The following IRAG1 variants were observed in gnomAD, a reference collection of about 807,000 sequenced individuals.
IRAG1 encodes IP3R-associated cGMP kinase substrate.
Under a neutral mutation model 106.2 loss-of-function variants are expected in IRAG1, and 62 were observed. The ratio of observed to expected loss-of-function variants is 0.58; its 90% confidence interval spans 0.48 to 0.72. The LOEUF (loss-of-function observed/expected upper bound fraction) is 0.72. Among genes scored for constraint, IRAG1 ranks in the 30% least tolerant of loss-of-function variants. The pLI is 0.00. For missense variants in IRAG1, 1,064 were observed against 1,140.7 expected (o/e 0.93, Z 0.97); for synonymous variants, 462 against 443.9 (o/e 1.04, Z -0.51).
At chr11:10,691,116 C>T (rs1862022864) in intron 1 of IRAG1, among the ~76,000 whole-genome samples, 1 of 151,920 alleles carries the variant, frequency 6.6e-6, no homozygotes, top group Non-Finnish European at 1.5e-5. Context: ...CTTCAGGCCC[C>T]CACCTTGTGT....
intron 1 of IRAG1, among the ~76,000 whole-genome samples, chr11:10,692,322 C>T (rs1160605423): frequency 2.6e-5 from 4 of 152,154 alleles, no homozygotes; most frequent in South Asian, 2.1e-4. Context: ...CTGGCATTCA[C>T]GTCTGTGTTG....
chr11:10,580,304 G>T, intron 20 of IRAG1, 151 bp downstream of exon 20: 1 of 1,177,450 alleles, frequency 8.5e-7, no homozygotes, highest in Non-Finnish European at 1.2e-6. Context: ...TTCCCAACAT[G>T]TGTGCCCTCT....
At position 10,647,375 on chromosome 11, in the gene IRAG1, A is replaced by C. The variant is rs1297708937; in HGVS notation, c.225+4650T>G. On this transcript the variant is annotated intron_variant, in intron 2 of 20. Transcript: ENST00000423302. The surrounding 1 kb of genome is among the most constrained non-coding windows in gnomAD (Gnocchi z 4.3). ...CTACCGTAAGGCTAATTATATGTTA[A>C]ATGAGTTAATATGGTAGACGAGTAT... 6.6e-6 allele frequency among the ~76,000 whole-genome samples: 1 copy of C among 152,220 alleles called. No homozygotes were observed. Among genetic ancestry groups the C allele is most frequent in the African/African-American group, 2.4e-5 (1 of 41,440 alleles).
At chr11:10,666,091 T>C (rs953833144) in intron 1 of IRAG1, among the ~76,000 whole-genome samples, 1 of 152,132 alleles carries the variant, frequency 6.6e-6, no homozygotes, top group African/African-American at 2.4e-5. Context: ...CCTAATGATA[T>C]GAGATTGGAA....
At chr11:10,614,369 C>G (rs146895597) in intron 10 of IRAG1, among the ~76,000 whole-genome samples, 615 of 152,166 alleles carry the variant, frequency 4.0e-3, no homozygotes, top group Non-Finnish European at 6.6e-3. Context: ...AAAAAACTAC[C>G]TCATAATTTA....
chr11:10,672,982 G>A (rs1334689158), intron 1 of IRAG1, among the ~76,000 whole-genome samples: 1 of 152,136 alleles, frequency 6.6e-6, no homozygotes, highest in Non-Finnish European at 1.5e-5. Context: ...AATCTATTCG[G>A]TCATAAAAAG....
intron 16 of IRAG1, 183 bp from the exon 17 acceptor site, chr11:10,593,782 G>T: frequency 3.4e-6 from 2 of 591,466 alleles, no homozygotes; most frequent in Non-Finnish European, 6.0e-6. Context: ...CAAATTTTCT[G>T]TTGTTGGTGA....
At position 10,647,250 on chromosome 11, in the gene IRAG1, G is replaced by A. The variant is rs1225570287; in HGVS notation, c.225+4775C>T. ...TTTGGGGTCAGGCTGCCTGGGCCCAGATCCTGGGCCTGCCACTTATGAGCT... is the reference window on the plus strand; with the variant it reads ...TTTGGGGTCAGGCTGCCTGGGCCCAAATCCTGGGCCTGCCACTTATGAGCT... On this transcript the variant is annotated intron_variant, in intron 2 of 20. Coordinates refer to ENST00000423302, the MANE Select transcript of IRAG1 (RefSeq NM_130385.4). The surrounding 1 kb of genome is among the most constrained non-coding windows in gnomAD (Gnocchi z 4.3). 6.6e-6 allele frequency among the ~76,000 whole-genome samples: 1 copy of A among 152,208 alleles called. No homozygotes were observed.
intron 10 of IRAG1, among the ~76,000 whole-genome samples, chr11:10,618,827 C>G (rs972075899): frequency 1.3e-5 from 2 of 152,172 alleles, no homozygotes; most frequent in African/African-American, 4.8e-5. Context: ...TATTCAGGGC[C>G]TTGTAGGTTC....
At chr11:10,599,557 G>A (rs749862174) in intron 15 of IRAG1, 2 of 152,182 alleles carry the variant, frequency 1.3e-5, no homozygotes, top group African/African-American at 2.4e-5. Context: ...GCTGCCTTTG[G>A]ACTCTGGGAC....
intron 2 of IRAG1, among the ~76,000 whole-genome samples, chr11:10,646,196 C>A (rs965664722): frequency 6.6e-6 from 1 of 152,240 alleles, no homozygotes; most frequent in African/African-American, 2.4e-5. Context: ...AGCCCACTGA[C>A]TGAGGGTGTA....
intron 11 of IRAG1, among the ~76,000 whole-genome samples, chr11:10,607,730 C>G (rs1167790751): frequency 6.6e-6 from 1 of 152,114 alleles, no homozygotes; most frequent in Non-Finnish European, 1.5e-5. Context: ...ACCCCAAGAG[C>G]AAAGGTAGGG....
At position 10,626,031 on chromosome 11, in the gene IRAG1, C is replaced by T. The variant is rs763287831; in HGVS notation, c.1303G>A (p.Gly435Ser). 3 of 1,511,322 alleles carry T rather than the reference C, an allele frequency of 2.0e-6. No homozygotes were observed. The highest frequency in any genetic ancestry group is 2.3e-5 in the East Asian group (1 of 43,780). 93.6% of individuals were successfully genotyped at this position (1,511,322 alleles called of 1,614,324 possible). A position where few individuals can be genotyped will look rare whatever the true frequency, so the allele number is the denominator to read the frequency against. Reference sequence around the variant, plus strand: ...ACTTGTATCTGAAAGTCTTTGAGACCAGGGGCCTTGGCCAGCTTGCCGCCG... The same window carrying T: ...ACTTGTATCTGAAAGTCTTTGAGACTAGGGGCCTTGGCCAGCTTGCCGCCG... ...KAGGKLAKAP[G>S]LKDFQIQVQP... is the part of the protein sequence containing the mutation. The change falls in exon 9 of 21, where the codon GGT becomes AGT. Residue 435 changes from glycine (G) to serine (S), a missense_variant. By Grantham distance (56) the Gly-to-Ser change is moderately conservative. Transcript: ENST00000423302.
In IRAG1 at chr11:10,581,950, A is replaced by C. The variant is rs965157343; in HGVS notation, c.2277T>G (p.Ser759=). The change falls in exon 19 of 21, where the codon TCT becomes TCG. Residue 759 remains serine, a synonymous_variant. Coordinates refer to ENST00000423302, the MANE Select transcript of IRAG1 (RefSeq NM_130385.4). ...GGCAGCTCAGGGTCAGCGCAGGAGC[A>C]GAGGCTTCACAATCTGGGTCCCCAT... ...KTNGDPDCEA[S]APALTLSCLE... 1 of 1,613,820 alleles carries C rather than the reference A, an allele frequency of 6.2e-7. No individual in the cohort carries two copies. Among genetic ancestry groups the C allele is most frequent in the Admixed American group, 1.7e-5 (1 of 60,012 alleles).
chr11:10,656,702 G>C (rs1303703400), intron 1 of IRAG1, among the ~76,000 whole-genome samples: 1 of 152,160 alleles, frequency 6.6e-6, no homozygotes, highest in Non-Finnish European at 1.5e-5. Flanking sequence ...TAAGGATCTA[G>C]GGCTCAGAGA....
At chr11:10,616,973 A>C (rs1407662176) in intron 10 of IRAG1, 3 of 961,140 alleles carry the variant, frequency 3.1e-6, no homozygotes, top group Non-Finnish European at 3.7e-6. Flanking sequence ...GAGCTCTGAA[A>C]GATGCTCTGA....
chr11:10,663,524 C>G (rs902725426), intron 1 of IRAG1, among the ~76,000 whole-genome samples: 3 of 152,162 alleles, frequency 2.0e-5, no homozygotes, highest in African/African-American at 4.8e-5. Context: ...GTGCTGGGCA[C>G]TGGGGCTCTG....
chr11:10,629,525 C>T lies in IRAG1; in HGVS notation c.574+13G>A. 2 of 1,609,664 alleles carry T rather than the reference C, an allele frequency of 1.2e-6. No individual in the cohort carries two copies. The highest frequency in any genetic ancestry group is 2.2e-5 in the South Asian group (2 of 90,420). ...GGGCTCAGGGCAGCCACCTGTACAT[C>T]CTGCCACCCTACCTGATGGGGAGTC... is the stretch of plus-strand genomic sequence containing the variant. On this transcript the variant is annotated intron_variant, in intron 5 of 20. Coordinates refer to ENST00000423302, the MANE Select transcript of IRAG1 (RefSeq NM_130385.4).
At chr11:10,678,392 C>T (rs1485356897) in intron 1 of IRAG1, among the ~76,000 whole-genome samples, 2 of 152,150 alleles carry the variant, frequency 1.3e-5, no homozygotes, top group Admixed American at 6.6e-5. Flanking sequence ...TTTAATACTG[C>T]CCTCTTGCTG....
Sources: allele counts gnomAD v4.1 joint callset (sites outside exome capture counted in the v4.1 genomes callset), GRCh38; gene constraint gnomAD v4.1.1; non-coding constraint Gnocchi (gnomAD v3.1); transcripts MANE v1.5; gene names NCBI Gene and HGNC (gene_info 2026-07-23, HGNC 2026-07-21).